Variants in TNIK observed in about 807,000 individuals in gnomAD.
The protein encoded by TNIK is TRAF2 and NCK-interacting protein kinase.
TNIK carries 49 observed loss-of-function variants against 191.3 expected under a neutral mutation model. The ratio of observed to expected loss-of-function variants is 0.26; its 90% CI spans 0.20 to 0.32. The LOEUF (loss-of-function observed/expected upper bound fraction) is 0.32, where lower values mean the gene tolerates loss of function less well. Among genes scored for constraint, TNIK ranks in the 10% least tolerant of loss-of-function variants. The pLI is 1.00. For missense variants in TNIK, 1,155 were observed against 1,702.3 expected, an observed-to-expected ratio of 0.68 and a Z score of 5.66; for synonymous variants, 594 against 600.9, an observed-to-expected ratio of 0.99 and a Z score of 0.17.
chr3:171,272,357 A>T (rs997539154), intron 2 of TNIK, among the ~76,000 whole-genome samples: 3 of 152,222 alleles, frequency 2.0e-5, no homozygotes, highest in African/African-American at 7.2e-5. Flanking sequence ...GGCCTGAGAA[A>T]GAAATGTTCA....
At chr3:171,120,448 G>C (rs1727533514) in intron 18 of TNIK, among the ~76,000 whole-genome samples, 1 of 151,134 alleles carries the variant, frequency 6.6e-6, no homozygotes, top group African/African-American at 2.4e-5. Context: ...AGCCTCCCAA[G>C]TAGCTGGGAC....
intron 29 of TNIK, among the ~76,000 whole-genome samples, chr3:171,069,263 T>C (rs1199161884): frequency 2.0e-5 from 3 of 152,174 alleles, no homozygotes; most frequent in Non-Finnish European, 4.4e-5. Context: ...TGGTAATGTA[T>C]ATTAAAAACC....
chr3:171,399,375 G>T (rs1720631077), intron 1 of TNIK, among the ~76,000 whole-genome samples: 1 of 152,124 alleles, frequency 6.6e-6, no homozygotes, highest in African/African-American at 2.4e-5. Flanking sequence ...GGTTTAGCTG[G>T]AGGCCAAACA....
chr3:171,318,542 T>G (rs1354548510), intron 2 of TNIK, among the ~76,000 whole-genome samples: 1 of 152,158 alleles, frequency 6.6e-6, no homozygotes, highest in Non-Finnish European at 1.5e-5. Flanking sequence ...TGTTTAAACC[T>G]ATCCTCCTAA....
intron 16 of TNIK, among the ~76,000 whole-genome samples, chr3:171,128,448 A>G (rs1471001293): frequency 1.3e-5 from 2 of 152,230 alleles, no homozygotes; most frequent in Non-Finnish European, 2.9e-5. Context: ...CTCACCTTGC[A>G]GGAACTCCTA....
At chr3:171,338,758 C>G (rs1757232879) in intron 2 of TNIK, among the ~76,000 whole-genome samples, 1 of 151,964 alleles carries the variant, frequency 6.6e-6, no homozygotes, top group South Asian at 2.1e-4. Context: ...TTGCCTTGGC[C>G]TCCCAAAGTG....
intron 1 of TNIK, among the ~76,000 whole-genome samples, chr3:171,415,472 T>G (rs1483481730): frequency 6.6e-6 from 1 of 152,186 alleles, no homozygotes; most frequent in Non-Finnish European, 1.5e-5. Flanking sequence ...TAAATTTCCC[T>G]GTTTAAAATC....
intron 1 of TNIK, among the ~76,000 whole-genome samples, chr3:171,433,719 G>A (rs981376095): frequency 2.0e-5 from 3 of 151,872 alleles, no homozygotes; most frequent in African/African-American, 7.3e-5. Flanking sequence ...ATTCCTGCTT[G>A]ATATTTTTAT....
chr3:171,277,412 G>GA (rs1293523252), intron 2 of TNIK, among the ~76,000 whole-genome samples: 1 of 151,866 alleles, frequency 6.6e-6, no homozygotes, highest in African/African-American at 2.4e-5. Flanking sequence ...AGCTAAAAGA[G>GA]AAAAAAGTAG....
At chr3:171,183,452 G>A (rs77968329) in intron 7 of TNIK, among the ~76,000 whole-genome samples, 3,937 of 152,248 alleles carry the variant, frequency 0.026, 80 homozygotes, top group African/African-American at 0.062. Flanking sequence ...TTATTCTTTT[G>A]AAATGTTCCA....
intron 4 of TNIK, among the ~76,000 whole-genome samples, chr3:171,202,219 T>C (rs566876524): frequency 1.3e-5 from 2 of 152,100 alleles, no homozygotes; most frequent in African/African-American, 4.8e-5. Context: ...ATATGTTTTT[T>C]TTTTGGTAGG....
chr3:171,093,641 C>T (rs918998766), intron 23 of TNIK, among the ~76,000 whole-genome samples, 198 bp downstream of exon 23: 9 of 152,312 alleles, frequency 5.9e-5, no homozygotes, highest in East Asian at 1.9e-4. Context: ...TTAAGTCACA[C>T]TGCCAGAGCT....
chr3:171,356,697 G>A (rs965234810), intron 2 of TNIK, among the ~76,000 whole-genome samples: 14 of 152,130 alleles, frequency 9.2e-5, no homozygotes, highest in African/African-American at 2.4e-4. Flanking sequence ...TAATTTAGGC[G>A]ACTCGATCAG....
At chr3:171,459,706 A>ACACG (rs1560101125) in intron 1 of TNIK, among the ~76,000 whole-genome samples, 2 of 150,266 alleles carry the variant, frequency 1.3e-5, no homozygotes, top group Non-Finnish European at 3.0e-5. Flanking sequence ...ACACACACGC[A>ACACG]CACACGCCTT....
intron 1 of TNIK, among the ~76,000 whole-genome samples, chr3:171,384,180 C>T (rs1386353971): frequency 6.6e-6 from 1 of 152,214 alleles, no homozygotes; most frequent in African/African-American, 2.4e-5. Context: ...CATTACACTC[C>T]ATTAGAGTAA....
At position 171,226,362 on chromosome 3, in the gene TNIK, A is replaced by T. The variant is rs1742966511; in HGVS notation, c.180+1803T>A. Among the ~76,000 whole-genome samples, 6 of 152,244 alleles carry T rather than the reference A, an allele frequency of 3.9e-5. No individual in the cohort carries two copies. In the South Asian group the frequency reaches 1.2e-3, roughly 32 times the overall value. On this transcript the variant is annotated intron_variant, in intron 3 of 32. Transcript: ENST00000436636. ...ATAAAGTGTGATCAGTGGAAATCCA[A>T]TAAATATTTTGAACCATAAAGCAAC... is the stretch of plus-strand genomic sequence containing the variant.
At chr3:171,387,815 A>C (rs1718932179) in intron 1 of TNIK, among the ~76,000 whole-genome samples, 1 of 152,200 alleles carries the variant, frequency 6.6e-6, no homozygotes, top group Non-Finnish European at 1.5e-5. Context: ...ACTGGCCAGG[A>C]AACATTAGTT....
intron 2 of TNIK, among the ~76,000 whole-genome samples, chr3:171,278,096 C>T (rs1474058675): frequency 6.6e-6 from 1 of 152,152 alleles, no homozygotes; most frequent in Non-Finnish European, 1.5e-5. Flanking sequence ...ATAGCTCACC[C>T]GATGGGGACG....
chr3:171,118,556 A>C lies in TNIK; in HGVS notation c.2120+5040T>G, dbSNP rs1485052286. Among the ~76,000 whole-genome samples the C allele has an allele frequency of 2.0e-5, 3 of 152,226 alleles. No individual in the cohort carries two copies. In the East Asian group the frequency reaches 5.8e-4, roughly 29 times the overall value. On this transcript the variant is annotated intron_variant, in intron 18 of 32. Coordinates refer to ENST00000436636, the MANE Select transcript of TNIK (RefSeq NM_015028.4). ...TCAAACTATACTACAAGGCTACAGT[A>C]ACCAAAACAGCATGGTACTGGTACC...
Sources: allele counts gnomAD v4.1 joint callset (sites outside exome capture counted in the v4.1 genomes callset), GRCh38; gene constraint gnomAD v4.1.1; transcripts MANE v1.5; gene names NCBI Gene and HGNC (gene_info 2026-07-23, HGNC 2026-07-21).